Variants in TMEM212 observed in about 807,000 individuals in gnomAD.
The protein encoded by TMEM212 is transmembrane protein 212.
Under a neutral mutation model 20.5 loss-of-function variants are expected in TMEM212, and 23 were observed. The ratio of observed to expected loss-of-function variants is 1.12; its 90% CI spans 0.81 to 1.59. The LOEUF (loss-of-function observed/expected upper bound fraction) is 1.59, where lower values mean the gene tolerates loss of function less well. Ranked by LOEUF, TMEM212 falls within the 40% of genes most tolerant of loss-of-function variation. The probability of loss-of-function intolerance (pLI) is 0.00; values close to 1 mark genes in which losing one functional copy is unlikely to be tolerated. For synonymous variants in TMEM212, 76 were observed against 81.6 expected, an observed-to-expected ratio of 0.93 and a Z score of 0.37; for missense variants, 211 against 215.0, an observed-to-expected ratio of 0.98 and a Z score of 0.12.
chr3:171,857,627 C>T (rs1354409475), intron 4 of TMEM212, among the ~76,000 whole-genome samples: 1 of 152,080 alleles, frequency 6.6e-6, no homozygotes, highest in African/African-American at 2.4e-5. Flanking sequence ...AATTTTCAAA[C>T]CATATACAGG....
At chr3:171,854,353 A>T (rs1210876730) in intron 3 of TMEM212, among the ~76,000 whole-genome samples, 1 of 152,182 alleles carries the variant, frequency 6.6e-6, no homozygotes, top group Non-Finnish European at 1.5e-5. Flanking sequence ...CAACATACAA[A>T]AATCAGCTGT....
chr3:171,843,655 T>C (rs1308023002), intron 1 of TMEM212, 113 bp downstream of exon 1: 3 of 925,486 alleles, frequency 3.2e-6, no homozygotes, highest in Non-Finnish European at 1.5e-6. Flanking sequence ...GAAGTCAAAA[T>C]TCCACAAAAA....
intron 1 of TMEM212, among the ~76,000 whole-genome samples, chr3:171,849,993 G>A (rs1358629562): frequency 6.6e-6 from 1 of 151,964 alleles, no homozygotes; most frequent in Non-Finnish European, 1.5e-5. Context: ...CTCCTCTTCA[G>A]CCAACTATTC....
chr3:171,854,158 T>C (rs921029320), intron 3 of TMEM212, among the ~76,000 whole-genome samples: 1 of 152,068 alleles, frequency 6.6e-6, no homozygotes, highest in Non-Finnish European at 1.5e-5. Context: ...CTATTCAACA[T>C]AGTACTGGAA....
chr3:171,844,138 T>C (rs1724779935), intron 1 of TMEM212, among the ~76,000 whole-genome samples: 1 of 152,190 alleles, frequency 6.6e-6, no homozygotes. Context: ...ATGTGCCAAG[T>C]ACAGCGTACG....
intron 3 of TMEM212, among the ~76,000 whole-genome samples, chr3:171,855,337 G>C (rs1402131614): frequency 6.6e-6 from 1 of 152,048 alleles, no homozygotes; most frequent in Non-Finnish European, 1.5e-5. Context: ...TTGAGGCTGG[G>C]CATGGTAGCT....
At chr3:171,853,010 AG>A in intron 2 of TMEM212, among the ~76,000 whole-genome samples, 1 of 152,364 alleles carries the variant, frequency 6.6e-6, no homozygotes, top group Admixed American at 6.5e-5. Flanking sequence ...AACCTTGAGC[AG>A]GGATTTTGTT....
At chr3:171,854,887 G>A in intron 3 of TMEM212, among the ~76,000 whole-genome samples, 1 of 152,156 alleles carries the variant, frequency 6.6e-6, no homozygotes, top group Non-Finnish European at 1.5e-5. Flanking sequence ...TCAAGAAAAA[G>A]GGATATTTAG....
At chr3:171,846,776 G>A (rs1321283332) in intron 1 of TMEM212, among the ~76,000 whole-genome samples, 4 of 152,120 alleles carry the variant, frequency 2.6e-5, no homozygotes, top group Non-Finnish European at 5.9e-5. Context: ...TTTTACTAGT[G>A]AGTTTCCTAC....
intron 1 of TMEM212, among the ~76,000 whole-genome samples, chr3:171,848,313 G>A (rs1298793642): frequency 6.6e-6 from 1 of 152,130 alleles, no homozygotes; most frequent in African/African-American, 2.4e-5. Context: ...CCACACTGCA[G>A]GCAGCAATGC....
rs190319943 is a variant in TMEM212 at position 171,859,109 on chromosome 3, T to G, written c.*1052T>G. On this transcript the variant is annotated 3_prime_UTR_variant, in exon 5 of 5. Coordinates refer to ENST00000334567, the MANE Select transcript of TMEM212 (RefSeq NM_001164436.2). ...GGTGGGAATTGAACAATGGGAACACTTGGACACAGGGTGGGGAACATCACA... is the reference window on the plus strand; with the variant it reads ...GGTGGGAATTGAACAATGGGAACACGTGGACACAGGGTGGGGAACATCACA... 1.3e-5 allele frequency: 2 copies of G among 152,050 alleles called. No homozygotes were observed. The highest frequency in any genetic ancestry group is 4.8e-5 in the African/African-American group (2 of 41,384). 9.4% of individuals were successfully genotyped at this position (152,050 alleles called of 1,614,324 possible). A position where few individuals can be genotyped will look rare whatever the true frequency, so the allele number is the denominator to read the frequency against.
intron 1 of TMEM212, among the ~76,000 whole-genome samples, chr3:171,851,721 C>T (rs928910131): frequency 6.6e-6 from 1 of 152,146 alleles, no homozygotes; most frequent in African/African-American, 2.4e-5. Flanking sequence ...GTAGTGGAGG[C>T]GATGATTCTG....
intron 1 of TMEM212, among the ~76,000 whole-genome samples, chr3:171,845,603 C>T (rs1384802855): frequency 2.0e-5 from 3 of 152,080 alleles, no homozygotes; most frequent in Non-Finnish European, 2.9e-5. Context: ...CAGTTAGGCC[C>T]GGAGAAATGA....
At chr3:171,851,869 C>T in intron 1 of TMEM212, 113 bp from the exon 2 acceptor site, 1 of 931,400 alleles carries the variant, frequency 1.1e-6, no homozygotes, top group East Asian at 2.7e-5. Flanking sequence ...TCCACTGAGT[C>T]ATTTTCTGTT....
At chr3:171,852,702 A>T (rs987106730) in intron 2 of TMEM212, among the ~76,000 whole-genome samples, 1 of 152,156 alleles carries the variant, frequency 6.6e-6, no homozygotes, top group Non-Finnish European at 1.5e-5. Flanking sequence ...TCTTCTTGGT[A>T]CCTCTCCTTC....
In TMEM212 at chr3:171,859,176, G is replaced by C. The variant is rs1415070200; in HGVS notation, c.*1119G>C. 1 of 152,112 alleles carries C rather than the reference G, an allele frequency of 6.6e-6. No homozygotes were observed. The highest frequency in any genetic ancestry group is 2.4e-5 in the African/African-American group (1 of 41,414). 9.4% of individuals were successfully genotyped at this position (152,112 alleles called of 1,614,324 possible). ...TGGGTGGGAGGCTGGGGGAGGGATA[G>C]CATTAGGAGAAATTCCTAATGTAGA... On this transcript the variant is annotated 3_prime_UTR_variant, in exon 5 of 5. Transcript: ENST00000334567.
At position 171,853,030 on chromosome 3, in the gene TMEM212, T is replaced by C. The variant is rs376490782; in HGVS notation, c.220-497T>C. On this transcript the variant is annotated intron_variant, in intron 2 of 4. Coordinates refer to ENST00000334567, the MANE Select transcript of TMEM212 (RefSeq NM_001164436.2). ...TGAGCAGGGATTTTGTTCACTCATC[T>C]TTGTTTTTCCCAACCCAGACTAGTT... 3.3e-5 allele frequency among the ~76,000 whole-genome samples: 5 copies of C among 152,340 alleles called. No homozygotes were observed. In the South Asian group the frequency reaches 1.0e-3, roughly 32 times the overall value.
rs971693994 is a variant in TMEM212 at position 171,852,122 on chromosome 3, A to C, written c.219+81A>C. On this transcript the variant is annotated intron_variant, in intron 2 of 4. Transcript: ENST00000334567. Reference sequence around the variant, plus strand: ...ACTAAGTTCAGGATGGAACATAAAAAATATGATTTCCAATTAGAATTGAAT... The same window carrying C: ...ACTAAGTTCAGGATGGAACATAAAACATATGATTTCCAATTAGAATTGAAT... 20 of 1,096,198 alleles carry C rather than the reference A, an allele frequency of 1.8e-5. No homozygotes were observed. The African/African-American group carries it at 2.3e-4, about 13-fold the overall frequency. The allele number at this position is 1,096,198 out of a possible 1,614,324, so 67.9% of individuals were successfully genotyped here. A position where few individuals can be genotyped will look rare whatever the true frequency, so the allele number is the denominator to read the frequency against.
At chr3:171,844,661 A>T (rs1159778561) in intron 1 of TMEM212, among the ~76,000 whole-genome samples, 1 of 152,072 alleles carries the variant, frequency 6.6e-6, no homozygotes, top group African/African-American at 2.4e-5. Flanking sequence ...AGCCGAGATC[A>T]TACCACTGCA....
Sources: allele counts gnomAD v4.1 joint callset (sites outside exome capture counted in the v4.1 genomes callset), GRCh38; gene constraint gnomAD v4.1.1; transcripts MANE v1.5; gene names NCBI Gene and HGNC (gene_info 2026-07-23, HGNC 2026-07-21).